The following PAX5 variants were observed in gnomAD, a reference collection of about 807,000 sequenced individuals.
PAX5 encodes the protein paired box protein Pax-5.
A neutral mutation model predicts 43.7 loss-of-function variants in PAX5; 9 were observed. The observed-to-expected ratio is 0.21, with a 90% CI of 0.12 to 0.36. The LOEUF (loss-of-function observed/expected upper bound fraction) is 0.36. Ranked by LOEUF, PAX5 falls within the 10% of genes least tolerant of loss-of-function variation. The pLI is 1.00. For synonymous variants in PAX5, 228 were observed against 214.3 expected, an observed-to-expected ratio of 1.06 and a Z score of -0.56; for missense variants, 383 against 532.7, an observed-to-expected ratio of 0.72 and a Z score of 2.77.
At chr9:36,936,848 ATG>A (rs1288866303) in intron 6 of PAX5, among the ~76,000 whole-genome samples, 3,658 of 64,794 alleles carry the variant, frequency 0.056, 108 homozygotes, top group African/African-American at 0.12. Flanking sequence ...ACACACACAC[ATG>A]CACACACACA....
At chr9:36,985,116 C>T (rs1836280849) in intron 5 of PAX5, among the ~76,000 whole-genome samples, 1 of 152,228 alleles carries the variant, frequency 6.6e-6, no homozygotes, top group Admixed American at 6.5e-5. Context: ...ATCATGCTGC[C>T]TCTCAAACAC....
At chr9:37,020,862 A>G in intron 1 of PAX5, 61 bp from the exon 2 acceptor site, 2 of 1,574,224 alleles carry the variant, frequency 1.3e-6, no homozygotes, top group Non-Finnish European at 1.7e-6. Flanking sequence ...CACATAGGAG[A>G]AGCACCGCTG....
chr9:36,919,111 C>T (rs1829940377), intron 7 of PAX5, among the ~76,000 whole-genome samples: 1 of 152,090 alleles, frequency 6.6e-6, no homozygotes, highest in Non-Finnish European at 1.5e-5. Flanking sequence ...TATATCATTC[C>T]AAAAATTCTT....
At chr9:37,026,478 C>T (rs1588269220) in intron 1 of PAX5, 11 of 1,299,798 alleles carry the variant, frequency 8.5e-6, no homozygotes, top group Non-Finnish European at 1.1e-5. Flanking sequence ...CGGTCCGGCA[C>T]CCCCAACCCG....
intron 8 of PAX5, among the ~76,000 whole-genome samples, chr9:36,853,798 C>A (rs1290564739): frequency 6.6e-6 from 1 of 152,238 alleles, no homozygotes; most frequent in Non-Finnish European, 1.5e-5. Flanking sequence ...AGAAACATCA[C>A]CAGATTCAGA....
intron 8 of PAX5, among the ~76,000 whole-genome samples, chr9:36,864,980 G>A (rs1824719987): frequency 6.6e-6 from 1 of 152,252 alleles, no homozygotes; most frequent in Non-Finnish European, 1.5e-5. Flanking sequence ...AGTGTGCAGA[G>A]AGAGGCACCG....
chr9:36,920,879 T>C (rs1587974323), intron 7 of PAX5, among the ~76,000 whole-genome samples: 1 of 149,350 alleles, frequency 6.7e-6, no homozygotes, highest in Non-Finnish European at 1.5e-5. Context: ...AATGGCGTGA[T>C]CTTGGCTCAC....
At chr9:37,029,207 C>A (rs571963273) in intron 1 of PAX5, among the ~76,000 whole-genome samples, 18 of 152,302 alleles carry the variant, frequency 1.2e-4, no homozygotes, top group African/African-American at 4.3e-4. Flanking sequence ...GAGAGGATTC[C>A]TGGGTTATCC....
At chr9:36,970,310 C>A (rs537835628) in intron 5 of PAX5, among the ~76,000 whole-genome samples, 2 of 152,134 alleles carry the variant, frequency 1.3e-5, no homozygotes, top group African/African-American at 2.4e-5. Flanking sequence ...GGGTGCCAGA[C>A]TGAGGAGATG....
intron 3 of PAX5, among the ~76,000 whole-genome samples, chr9:37,006,901 T>A: frequency 6.6e-6 from 1 of 152,224 alleles, no homozygotes; most frequent in South Asian, 2.1e-4. Context: ...TGAGTGACTT[T>A]AGGGAGTCCT....
chr9:36,944,203 A>G (rs531636985), intron 6 of PAX5, among the ~76,000 whole-genome samples: 2 of 152,164 alleles, frequency 1.3e-5, no homozygotes, highest in Admixed American at 6.5e-5. Flanking sequence ...AAAGCTGATT[A>G]AAAAATAATA....
intron 7 of PAX5, among the ~76,000 whole-genome samples, chr9:36,907,042 G>T (rs1463106390): frequency 6.6e-6 from 1 of 152,076 alleles, no homozygotes; most frequent in African/African-American, 2.4e-5. Context: ...CAGCCTCTCT[G>T]TGCTACAGTG....
At chr9:36,972,643 G>T (rs116352495) in intron 5 of PAX5, among the ~76,000 whole-genome samples, 4 of 152,190 alleles carry the variant, frequency 2.6e-5, no homozygotes, top group Non-Finnish European at 4.4e-5. Flanking sequence ...AGGCCTGTTG[G>T]TTGGGGGTGG....
chr9:36,981,194 C>CT (rs1554676928), intron 5 of PAX5, among the ~76,000 whole-genome samples: 8 of 140,772 alleles, frequency 5.7e-5, no homozygotes, highest in African/African-American at 1.3e-4. Context: ...AGCCCCCCCC[C>CT]CCTCAGCCCT....
At position 36,996,333 on chromosome 9, in the gene PAX5, T is replaced by G. The variant is rs181019206; in HGVS notation, c.604+6315A>C. On this transcript the variant is annotated intron_variant, in intron 5 of 9. Coordinates refer to ENST00000358127, the MANE Select transcript of PAX5 (RefSeq NM_016734.3). Reference sequence around the variant, plus strand: ...TGTAACCCACAAGGCTTGCGTCAACTCTATTCGCCAGATAACAAAATGGAG... The same window carrying G: ...TGTAACCCACAAGGCTTGCGTCAACGCTATTCGCCAGATAACAAAATGGAG... Among the ~76,000 whole-genome samples the G allele has an allele frequency of 2.4e-3, 369 of 152,370 alleles. 2 individuals carry two copies. Among genetic ancestry groups the G allele is most frequent in the Middle Eastern group, 0.01 (3 of 294 alleles).
Position 37,006,482 on chromosome 9 carries a change from G to C in PAX5, c.466C>G (p.His156Asp). 1 of 1,613,664 alleles carries C rather than the reference G, an allele frequency of 6.2e-7. No individual in the cohort carries two copies. The highest frequency in any genetic ancestry group is 8.5e-7 in the Non-Finnish European group (1 of 1,179,556). The change falls in exon 4 of 10, where the codon CAC becomes GAC. Residue 156 changes from histidine to aspartate, a missense_variant. By Grantham distance (81) the His-to-Asp change is moderately conservative (BLOSUM62 -1). This residue lies in a region of PAX5 where 291 missense variants were observed against 342.5 expected (regional missense o/e 0.85). Coordinates refer to ENST00000358127, the MANE Select transcript of PAX5 (RefSeq NM_016734.3). ...TAAAAGTTCCTCTTACCTATGCTGT[G>C]ACTGGAAGCTGGGACTGGTTGGTTG... ...PPNQPVPASS[H>D]SIVSTGSVTQ...
Position 36,834,226 on chromosome 9 carries a change from G to A in PAX5, c.*6334C>T, listed in dbSNP as rs569888995. 1.6e-3 allele frequency: 363 copies of A among 233,230 alleles called. No individual in the cohort carries two copies. The highest frequency in any genetic ancestry group is 2.6e-3 in the Non-Finnish European group (301 of 118,034). 14.4% of individuals were successfully genotyped at this position (233,230 alleles called of 1,614,324 possible). On this transcript the variant is annotated 3_prime_UTR_variant, in exon 10 of 10. Transcript: ENST00000358127. ...AGGCAACGCCAGGCCCTCACTGCCC[G>A]CCACCCTCTGTTGTGCTGGGTGCTT...
chr9:36,858,746 C>G (rs936069567), intron 8 of PAX5, among the ~76,000 whole-genome samples: 1 of 152,084 alleles, frequency 6.6e-6, no homozygotes. Flanking sequence ...TTCAGGAACT[C>G]CTTCGCTCAG....
intron 6 of PAX5, among the ~76,000 whole-genome samples, chr9:36,957,687 T>C (rs144558563): frequency 4.6e-5 from 7 of 152,256 alleles, no homozygotes; most frequent in Admixed American, 1.3e-4. Flanking sequence ...GTTACGCAAA[T>C]ATTAACACTT....
Sources: gnomAD v4.1 joint callset for allele counts (sites outside exome capture counted in the v4.1 genomes callset) on GRCh38, gnomAD v4.1.1 for gene constraint, gnomAD v4.1.1 regional missense constraint, MANE v1.5 for transcripts, NCBI Gene and HGNC (gene_info 2026-07-23, HGNC 2026-07-21) for gene names.